The following NRXN3 variants were observed in gnomAD, a reference collection of about 807,000 sequenced individuals.
NRXN3 encodes neurexin III.
Under a neutral mutation model 137.6 loss-of-function variants are expected in NRXN3, and 32 were observed. The ratio of observed to expected loss-of-function variants is 0.23; its 90% CI spans 0.18 to 0.31. The LOEUF is 0.31. Ranked by LOEUF, NRXN3 falls within the 10% of genes least tolerant of loss-of-function variation. The probability of loss-of-function intolerance (pLI) is 1.00; values close to 1 mark genes in which losing one functional copy is unlikely to be tolerated. For missense variants in NRXN3, 1,574 were observed against 2,062.5 expected (o/e 0.76, Z 4.59); for synonymous variants, 798 against 784.5 (o/e 1.02, Z -0.29).
At chr14:78,926,647 T>TA (rs1201428992) in intron 10 of NRXN3, among the ~76,000 whole-genome samples, 1 of 96,014 alleles carries the variant, frequency 1.0e-5, no homozygotes, top group Non-Finnish European at 2.0e-5. Context: ...TATTTATATA[T>TA]AATATATATA....
In NRXN3 at chr14:79,444,033, G is replaced by T. The variant is rs139165210; in HGVS notation, c.3263-23188G>T. ...TTGTTGGCACTGGGGGTTCAGAGCCGCCCCAGCTCCTTGAGATGAAGGGAT... is the reference window on the plus strand; with the variant it reads ...TTGTTGGCACTGGGGGTTCAGAGCCTCCCCAGCTCCTTGAGATGAAGGGAT... On this transcript the variant is annotated intron_variant, in intron 15 of 20. Transcript: ENST00000335750. 4.4e-4 allele frequency among the ~76,000 whole-genome samples: 67 copies of T among 152,226 alleles called. No individual in the cohort carries two copies. In the Middle Eastern group the frequency reaches 0.014, roughly 31 times the overall value.
intron 15 of NRXN3, among the ~76,000 whole-genome samples, chr14:79,234,320 A>ATATATATATAATATT (rs2072914235): frequency 3.5e-5 from 4 of 113,628 alleles, no homozygotes; most frequent in African/African-American, 1.5e-4. Flanking sequence ...ATATATATAT[A>ATATATATATAATATT]TATATATATA....
At chr14:78,383,280 C>G (rs1282774222) in intron 4 of NRXN3, among the ~76,000 whole-genome samples, 1 of 152,108 alleles carries the variant, frequency 6.6e-6, no homozygotes, top group East Asian at 1.9e-4. Flanking sequence ...TCTCCTCTGG[C>G]CATGCTCATT....
intron 15 of NRXN3, among the ~76,000 whole-genome samples, chr14:79,305,306 A>G (rs944314888): frequency 1.3e-5 from 2 of 152,082 alleles, no homozygotes; most frequent in African/African-American, 4.8e-5. Context: ...AAATTAACAT[A>G]CAAAGTCCTG....
At chr14:79,491,137 C>A in intron 16 of NRXN3, among the ~76,000 whole-genome samples, 1 of 152,006 alleles carries the variant, frequency 6.6e-6, no homozygotes, top group East Asian at 1.9e-4. Flanking sequence ...AAGGTAGGAA[C>A]TATTATCCTG....
intron 15 of NRXN3, among the ~76,000 whole-genome samples, chr14:79,025,406 T>G (rs2152462535): frequency 6.6e-6 from 1 of 152,252 alleles, no homozygotes; most frequent in African/African-American, 2.4e-5. Flanking sequence ...TCCCCCACTT[T>G]ATTTATCCAA....
intron 19 of NRXN3, among the ~76,000 whole-genome samples, chr14:79,743,186 T>C (rs1219256127): frequency 2.0e-5 from 3 of 152,224 alleles, no homozygotes; most frequent in African/African-American, 7.2e-5. Flanking sequence ...TAAAGGAATA[T>C]ATTTAGGTAT....
chr14:79,709,108 T>C (rs1315976573), intron 19 of NRXN3, among the ~76,000 whole-genome samples: 1 of 152,116 alleles, frequency 6.6e-6, no homozygotes, highest in African/African-American at 2.4e-5. Context: ...TAAGCACAGA[T>C]TTTAATGCAC....
At chr14:79,725,934 T>C (rs1179097605) in intron 19 of NRXN3, among the ~76,000 whole-genome samples, 1 of 152,144 alleles carries the variant, frequency 6.6e-6, no homozygotes, top group Non-Finnish European at 1.5e-5. Context: ...GCTAATCTGA[T>C]TCATATCTCT....
At chr14:78,675,520 A>C (rs945244174) in intron 6 of NRXN3, among the ~76,000 whole-genome samples, 3 of 152,208 alleles carry the variant, frequency 2.0e-5, no homozygotes, top group Non-Finnish European at 4.4e-5. Context: ...TAGCTCCATT[A>C]GATCCTTGAT....
At chr14:78,477,605 C>G (rs991530214) in intron 4 of NRXN3, among the ~76,000 whole-genome samples, 2 of 152,094 alleles carry the variant, frequency 1.3e-5, no homozygotes, top group African/African-American at 2.4e-5. Context: ...ACTCCCTCAG[C>G]CTTGAATAAC....
intron 15 of NRXN3, among the ~76,000 whole-genome samples, chr14:79,034,904 C>CA (rs2099613663): frequency 6.6e-6 from 1 of 152,082 alleles, no homozygotes; most frequent in Admixed American, 6.6e-5. Flanking sequence ...AATGATTCCA[C>CA]ATTCCAAGCA....
intron 19 of NRXN3, among the ~76,000 whole-genome samples, chr14:79,793,213 C>T (rs1324879343): frequency 2.0e-5 from 3 of 151,924 alleles, no homozygotes; most frequent in East Asian, 3.9e-4. Context: ...GGGCGGATCA[C>T]GAGGTCAGGA....
intron 1 of NRXN3, among the ~76,000 whole-genome samples, chr14:78,212,649 T>G (rs1433529261): frequency 1.3e-5 from 2 of 152,336 alleles, no homozygotes; most frequent in East Asian, 3.9e-4. Context: ...GATTCCTGTT[T>G]CCTTTCACTT....
At chr14:79,859,620 C>T (rs1448726151) in intron 20 of NRXN3, among the ~76,000 whole-genome samples, 1 of 152,148 alleles carries the variant, frequency 6.6e-6, no homozygotes, top group East Asian at 1.9e-4. Flanking sequence ...CCTTGTCTGG[C>T]TTTGTTACTG....
chr14:79,686,447 A>C (rs2098695415), intron 17 of NRXN3, among the ~76,000 whole-genome samples: 1 of 152,168 alleles, frequency 6.6e-6, no homozygotes, highest in African/African-American at 2.4e-5. Context: ...TCTAAGCCTT[A>C]GGTGAGTGTT....
chr14:79,378,476 A>G (rs1168826716), intron 15 of NRXN3, among the ~76,000 whole-genome samples: 1 of 152,228 alleles, frequency 6.6e-6, no homozygotes, highest in African/African-American at 2.4e-5. Context: ...ATGTAAGAGC[A>G]TCATCACTGG....
intron 8 of NRXN3, among the ~76,000 whole-genome samples, chr14:78,746,523 C>T (rs2098608117): frequency 6.6e-6 from 1 of 152,178 alleles, no homozygotes; most frequent in African/African-American, 2.4e-5. Flanking sequence ...TACAAGCCCA[C>T]TCGAGTGTCT....
intron 1 of NRXN3, among the ~76,000 whole-genome samples, chr14:78,228,836 T>C (rs553245313): frequency 1.3e-5 from 2 of 152,274 alleles, no homozygotes; most frequent in South Asian, 4.1e-4. Context: ...GGGCAAACAA[T>C]GAGCAACTCC....
Sources: gnomAD v4.1 joint callset for allele counts (sites outside exome capture counted in the v4.1 genomes callset) on GRCh38, gnomAD v4.1.1 for gene constraint, MANE v1.5 for transcripts, NCBI Gene and HGNC (gene_info 2026-07-23, HGNC 2026-07-21) for gene names.